MDFI: variants seen among roughly 807,000 people sequenced by gnomAD.
The protein encoded by MDFI is MyoD family inhibitor, also known as inhibitor of MyoD family a.
In MDFI, 16 loss-of-function variants were observed where a neutral mutation model predicts 22.3. The ratio of observed to expected loss-of-function variants is 0.72; its 90% CI spans 0.49 to 1.09. The LOEUF (loss-of-function observed/expected upper bound fraction) is 1.09. MDFI is among the 50% of genes least tolerant of loss of function. The probability of loss-of-function intolerance (pLI) is 0.00; values close to 1 mark genes in which losing one functional copy is unlikely to be tolerated. For synonymous variants in MDFI, 145 were observed against 142.7 expected, an observed-to-expected ratio of 1.02 and a Z score of -0.12; for missense variants, 314 against 326.1, an observed-to-expected ratio of 0.96 and a Z score of 0.29.
At chr6:41,650,164 G>C (rs903110836) in intron 4 of MDFI, 6 of 311,472 alleles carry the variant, frequency 1.9e-5, no homozygotes, top group Admixed American at 5.3e-5. Flanking sequence ...GACAAGGAAC[G>C]GAGCCACCTG....
chr6:41,644,703 C>T (rs923551509), intron 2 of MDFI, among the ~76,000 whole-genome samples: 2 of 152,034 alleles, frequency 1.3e-5, no homozygotes, highest in African/African-American at 4.8e-5. Flanking sequence ...GATCTCTCAT[C>T]TCCCTCTCTT....
At chr6:41,642,920 G>A (rs966653767) in intron 2 of MDFI, among the ~76,000 whole-genome samples, 1 of 152,168 alleles carries the variant, frequency 6.6e-6, no homozygotes, top group African/African-American at 2.4e-5. Flanking sequence ...GGTAAGGCAG[G>A]TGGAGATGTG....
Position 41,638,945 on chromosome 6 carries a change from G to T in MDFI, c.76+120G>T. On this transcript the variant is annotated intron_variant, in intron 2 of 4. Coordinates refer to ENST00000230321, the MANE Select transcript of MDFI (RefSeq NM_005586.4). This position sits in a 1 kb window ranked among gnomAD's most constrained non-coding sequence, Gnocchi z 7.6. ...AGACCGTTCCAGGGAGCTTGGTGGG[G>T]GTAGGGACGAAAAGTCTGGGTTTGA... The T allele has an allele frequency of 8.7e-7, 1 of 1,147,174 alleles. No individual in the cohort carries two copies. Among genetic ancestry groups the T allele is most frequent in the Non-Finnish European group, 1.2e-6 (1 of 833,196 alleles). The allele number at this position is 1,147,174 out of a possible 1,614,324, so 71.1% of individuals were successfully genotyped here.
chr6:41,639,661 C>G (rs1005204592), intron 2 of MDFI: 1 of 985,308 alleles, frequency 1.0e-6, no homozygotes, highest in African/African-American at 1.7e-5. Flanking sequence ...CCAGGGGAAC[C>G]GCGTGCAGGA....
rs1260823586 is a variant in MDFI, at chr6:41,646,158, G to A, written c.109G>A (p.Val37Ile). The A allele has an allele frequency of 3.2e-6, 5 of 1,565,428 alleles. No homozygotes were observed. The African/African-American group carries it at 5.5e-5, about 17-fold the overall frequency. The stretch of plus-strand genomic sequence containing the variant: ...CCTATCCCTCCTTCCTGGGCTGGAG[G>A]TAGTAACAGGATCCACTCACCCTGC... ...QTLSLLPGLE[V>I]VTGSTHPAEA... Residue 37 changes from valine (V) to isoleucine (I), a missense_variant, in exon 3 of 5, where the codon GTA (valine) becomes ATA (isoleucine). Physicochemically the swap from Val to Ile is conservative, Grantham distance 29 (BLOSUM62 3). Transcript: ENST00000230321.
chr6:41,640,371 G>C (rs1416257424), intron 2 of MDFI, among the ~76,000 whole-genome samples: 3 of 152,178 alleles, frequency 2.0e-5, no homozygotes, highest in African/African-American at 7.2e-5. Flanking sequence ...AGAGGAGAGG[G>C]CTAACTGCAC....
At chr6:41,637,225 G>T (rs1345353051), upstream of MDFI, 2 of 152,122 alleles carry the variant, frequency 1.3e-5, no homozygotes, top group Admixed American at 1.3e-4. The surrounding 1 kb of genome is among the most constrained non-coding windows in gnomAD (Gnocchi z 6.8). Context: ...GGCGCCGTGG[G>T]GGCCATCCCG....
In MDFI at chr6:41,644,447, C is replaced by T. The variant is rs78092557; in HGVS notation, c.77-1679C>T. On this transcript the variant is annotated intron_variant, in intron 2 of 4. Coordinates refer to ENST00000230321, the MANE Select transcript of MDFI (RefSeq NM_005586.4). ...GTGAGAGCATGCCTGCTGGGCCTGC[C>T]GCCCTCTGTGCTTCCCACATGGGGC... Among the ~76,000 whole-genome samples, 278 of 152,290 alleles carry T rather than the reference C, an allele frequency of 1.8e-3. 1 individual carries two copies. Among genetic ancestry groups the T allele is most frequent in the African/African-American group, 6.4e-3 (265 of 41,560 alleles).
chr6:41,648,063 AAAAAG>A (rs1260063555), intron 3 of MDFI, among the ~76,000 whole-genome samples: 7 of 151,082 alleles, frequency 4.6e-5, no homozygotes, highest in Admixed American at 2.0e-4. Context: ...AAAAAAAAAA[AAAAAG>A]AAGCTGCTCC....
At position 41,649,703 on chromosome 6, in the gene MDFI, G is replaced by A. The variant is rs35723455; in HGVS notation, c.344G>A (p.Arg115Gln). The change falls in exon 4 of 5, where the codon CGG becomes CAG. Residue 115 changes from arginine to glutamine, a missense_variant. Transcript: ENST00000230321. ...GHPSELGGTR[R>Q]AGNGALGGPK... ...CCCTCAGAGCTGGGCGGCACCAGACGGGCGGGGAATGGTGCCCTGGGTGGC... is the reference window on the plus strand; with the variant it reads ...CCCTCAGAGCTGGGCGGCACCAGACAGGCGGGGAATGGTGCCCTGGGTGGC... 6.1e-4 allele frequency: 983 copies of A among 1,614,010 alleles called. 1 individual carries two copies. Among genetic ancestry groups the A allele is most frequent in the Admixed American group, 1.1e-3 (64 of 60,018 alleles).
intron 2 of MDFI, among the ~76,000 whole-genome samples, chr6:41,641,631 G>A (rs1467942092): frequency 6.6e-6 from 1 of 152,196 alleles, no homozygotes; most frequent in Non-Finnish European, 1.5e-5. Context: ...CTGACCATAT[G>A]AGGTTCTGGC....
At position 41,638,932 on chromosome 6, in the gene MDFI, G is replaced by A. The variant is rs959948952; in HGVS notation, c.76+107G>A. 54 of 1,243,154 alleles carry A rather than the reference G, an allele frequency of 4.3e-5. No homozygotes were observed. The highest frequency in any genetic ancestry group is 5.5e-5 in the Non-Finnish European group (50 of 913,926). 77.0% of individuals were successfully genotyped at this position (1,243,154 alleles called of 1,614,324 possible). A position where few individuals can be genotyped will look rare whatever the true frequency, so the allele number is the denominator to read the frequency against. ...CCCAGACGCGGGGAGACCGTTCCAG[G>A]GAGCTTGGTGGGGGTAGGGACGAAA... On this transcript the variant is annotated intron_variant, in intron 2 of 4. Coordinates refer to ENST00000230321, the MANE Select transcript of MDFI (RefSeq NM_005586.4). The surrounding 1 kb of genome is among the most constrained non-coding windows in gnomAD (Gnocchi z 7.6).
chr6:41,637,406 T>G (rs547361108), upstream of MDFI: 402 of 152,136 alleles, frequency 2.6e-3, 2 homozygotes, highest in Non-Finnish European at 4.3e-3. The surrounding 1 kb of genome is among the most constrained non-coding windows in gnomAD (Gnocchi z 6.8). Flanking sequence ...GTGCCGCCGC[T>G]GCCTTCCAGT....
chr6:41,640,848 G>A (rs947721666), intron 2 of MDFI, among the ~76,000 whole-genome samples: 1 of 152,204 alleles, frequency 6.6e-6, no homozygotes, highest in Non-Finnish European at 1.5e-5. Flanking sequence ...AGCCCCGGGA[G>A]CCTGGCTCCC....
chr6:41,650,851 G>A (rs949943977), intron 4 of MDFI, among the ~76,000 whole-genome samples: 5 of 151,956 alleles, frequency 3.3e-5, no homozygotes, highest in East Asian at 1.9e-4. Flanking sequence ...TGGGATTACC[G>A]GCGTGAGCCA....
At chr6:41,649,940 T>C in intron 4 of MDFI, 97 bp downstream of exon 4, 1 of 1,049,580 alleles carries the variant, frequency 9.5e-7, no homozygotes, top group Non-Finnish European at 1.4e-6. Flanking sequence ...CACCAGGCTG[T>C]TACTTAGAGA....
rs569782065 is a variant in MDFI at position 41,649,711 on chromosome 6, A to C, written c.352A>C (p.Asn118His). ...GCTGGGCGGCACCAGACGGGCGGGG[A>C]ATGGTGCCCTGGGTGGCCCCAAGGC... is the stretch of plus-strand genomic sequence containing the variant. ...SELGGTRRAG[N>H]GALGGPKAHR... Residue 118 changes from asparagine to histidine, a missense_variant, in exon 4 of 5, where the codon AAT (asparagine) becomes CAT (histidine). Asn to His is a moderately conservative substitution (Grantham distance 68). Transcript: ENST00000230321. The C allele has an allele frequency of 6.2e-7, 1 of 1,614,046 alleles. No individual in the cohort carries two copies. Among genetic ancestry groups the C allele is most frequent in the East Asian group, 2.2e-5 (1 of 44,882 alleles).
At position 41,649,809 on chromosome 6, in the gene MDFI, C is replaced by T. The variant is rs1319243741; in HGVS notation, c.450C>T (p.Ser150=). Residue 150 remains serine, a synonymous_variant, in exon 4 of 5, where the codon TCC becomes TCT. Coordinates refer to ENST00000230321, the MANE Select transcript of MDFI (RefSeq NM_005586.4). ...AGAAGAGTAAGAGCAGCAGCAAATCCACCACCTCCCAGATCCCCCTCCAGG... is the reference window on the plus strand; with the variant it reads ...AGAAGAGTAAGAGCAGCAGCAAATCTACCACCTCCCAGATCCCCCTCCAGG... ...GSKKSKSSSK[S]TTSQIPLQAQ... is the part of the protein sequence containing the mutation. The T allele has an allele frequency of 3.7e-6, 6 of 1,613,992 alleles. No individual in the cohort carries two copies. The highest frequency in any genetic ancestry group is 3.4e-6 in the Non-Finnish European group (4 of 1,179,966).
chr6:41,646,663 G>C (rs575536487), intron 3 of MDFI, among the ~76,000 whole-genome samples: 1 of 152,248 alleles, frequency 6.6e-6, no homozygotes, highest in Non-Finnish European at 1.5e-5. Flanking sequence ...CGGGAATCAG[G>C]GATAAAAGGA....
Sources: allele counts gnomAD v4.1 joint callset (sites outside exome capture counted in the v4.1 genomes callset), GRCh38; gene constraint gnomAD v4.1.1; non-coding constraint Gnocchi (gnomAD v3.1); transcripts MANE v1.5; gene names NCBI Gene and HGNC (gene_info 2026-07-23, HGNC 2026-07-21).